CDIN1: variants seen among roughly 807,000 people sequenced by gnomAD.
The protein encoded by CDIN1 is CDAN1-interacting nuclease 1.
Under a neutral mutation model 45.3 loss-of-function variants are expected in CDIN1, and 33 were observed. The ratio of observed to expected loss-of-function variants is 0.73; its 90% confidence interval spans 0.55 to 0.97. CDIN1 has a LOEUF of 0.97. Among genes scored for constraint, CDIN1 ranks in the 50% least tolerant of loss-of-function variants. The probability of loss-of-function intolerance (pLI) is 0.00; values close to 1 mark genes in which losing one functional copy is unlikely to be tolerated. For missense variants in CDIN1, 303 were observed against 339.4 expected (o/e 0.89, Z 0.84); for synonymous variants, 118 against 124.4 (o/e 0.95, Z 0.34).
intron 7 of CDIN1, among the ~76,000 whole-genome samples, chr15:36,695,051 G>A (rs141249226): frequency 8.7e-4 from 133 of 152,308 alleles, no homozygotes; most frequent in African/African-American, 3.1e-3. Context: ...GCACAGCCAT[G>A]TGCCTTGGAA....
At chr15:36,751,992 C>G (rs1356488490) in intron 10 of CDIN1, among the ~76,000 whole-genome samples, 4 of 151,998 alleles carry the variant, frequency 2.6e-5, no homozygotes, top group African/African-American at 9.7e-5. Flanking sequence ...CACACTGGAG[C>G]CTGTTGGGGG....
rs2039034166 is a variant in CDIN1, at chr15:36,619,166, A to G, written c.102-25112A>G. 4.9e-6 allele frequency: 6 copies of G among 1,216,298 alleles called. No homozygotes were observed. In the Admixed American group the frequency reaches 5.8e-5, roughly 12 times the overall value. The allele number at this position is 1,216,298 out of a possible 1,614,324, so 75.3% of individuals were successfully genotyped here. A position where few individuals can be genotyped will look rare whatever the true frequency, so the allele number is the denominator to read the frequency against. On this transcript the variant is annotated intron_variant, in intron 1 of 10. Transcript: ENST00000566621. ...ACCATTCCCAGGGGAGCAGCTGGAAAAATCAGGGAACAGAGATGCCAGTTT... is the reference window on the plus strand; with the variant it reads ...ACCATTCCCAGGGGAGCAGCTGGAAGAATCAGGGAACAGAGATGCCAGTTT...
chr15:36,687,316 C>T (rs965327325), intron 5 of CDIN1, among the ~76,000 whole-genome samples: 2 of 152,010 alleles, frequency 1.3e-5, no homozygotes, highest in Non-Finnish European at 2.9e-5. Flanking sequence ...TTATGAATCA[C>T]TCGTAAGACA....
Position 36,620,070 on chromosome 15 carries a change from G to A in CDIN1, c.102-24208G>A, listed in dbSNP as rs187528385. ...GTTTCTTAAAAACATTGAAAATTTC[G>A]GCCGGGTGCGGTGGCTCTCGCCTGT... is the stretch of plus-strand genomic sequence containing the variant. On this transcript the variant is annotated intron_variant, in intron 1 of 10. Transcript: ENST00000566621. Among the ~76,000 whole-genome samples, 55 of 152,208 alleles carry A rather than the reference G, an allele frequency of 3.6e-4. No homozygotes were observed. In the East Asian group the frequency reaches 9.5e-3, roughly 26 times the overall value.
chr15:36,686,612 G>A (rs2140666779), intron 5 of CDIN1, among the ~76,000 whole-genome samples: 1 of 151,376 alleles, frequency 6.6e-6, no homozygotes. Context: ...AGGCACGGTA[G>A]CTCATGCTTG....
At chr15:36,604,998 G>A (rs1305431825) in intron 1 of CDIN1, among the ~76,000 whole-genome samples, 1 of 152,056 alleles carries the variant, frequency 6.6e-6, no homozygotes, top group East Asian at 1.9e-4. Context: ...AAAAAGAAAG[G>A]AAAGACGGAA....
intron 10 of CDIN1, among the ~76,000 whole-genome samples, chr15:36,781,437 A>T (rs1465920174): frequency 1.3e-5 from 2 of 152,188 alleles, no homozygotes; most frequent in East Asian, 3.8e-4. Context: ...AATTACAGTC[A>T]GGGTCACACT....
chr15:36,777,874 G>A (rs1430650976), intron 10 of CDIN1, among the ~76,000 whole-genome samples: 1 of 152,186 alleles, frequency 6.6e-6, no homozygotes, highest in Admixed American at 6.5e-5. Flanking sequence ...GCCTCCCAAA[G>A]TGCTGGGATT....
At chr15:36,608,976 TATAGATAG>T (rs35140623) in intron 1 of CDIN1, among the ~76,000 whole-genome samples, 9,509 of 149,396 alleles carry the variant, frequency 0.064, 682 homozygotes, top group African/African-American at 0.18. Context: ...TATGTGTGTA[TATAGATAG>T]ATAGATAGAT....
chr15:36,607,130 C>T (rs967521719), intron 1 of CDIN1, among the ~76,000 whole-genome samples: 2 of 152,134 alleles, frequency 1.3e-5, no homozygotes, highest in Non-Finnish European at 2.9e-5. Context: ...AATCTGTGAA[C>T]AGTAGGTGTA....
intron 10 of CDIN1, among the ~76,000 whole-genome samples, chr15:36,806,806 T>G (rs539460013): frequency 2.0e-4 from 31 of 152,170 alleles, no homozygotes; most frequent in Non-Finnish European, 3.4e-4. Context: ...AAACCCTCGG[T>G]TAAATGGAAG....
At chr15:36,765,307 C>T (rs2053890784) in intron 10 of CDIN1, among the ~76,000 whole-genome samples, 4 of 151,990 alleles carry the variant, frequency 2.6e-5, no homozygotes, top group South Asian at 2.1e-4. Flanking sequence ...CCACCCACCT[C>T]GGCCTCCCAA....
chr15:36,708,423 A>T (rs2042943888), intron 8 of CDIN1: 2 of 151,462 alleles, frequency 1.3e-5, no homozygotes, highest in Non-Finnish European at 2.9e-5. Flanking sequence ...TACTGCCATT[A>T]GAAGTCAAGG....
Position 36,687,147 on chromosome 15 carries a change from G to A in CDIN1, c.347-4538G>A, listed in dbSNP as rs2042089115. Among the ~76,000 whole-genome samples the A allele has an allele frequency of 2.6e-5, 4 of 152,204 alleles. No individual in the cohort carries two copies. In the South Asian group the frequency reaches 8.3e-4, roughly 32 times the overall value. ...AATTAACTAGAAGGTAGGGAGAAAA[G>A]AGGAGAAAGAAAGAGAATGATCAGC... On this transcript the variant is annotated intron_variant, in intron 5 of 10. Transcript: ENST00000566621.
At chr15:36,794,184 G>C (rs1220469804) in intron 10 of CDIN1, among the ~76,000 whole-genome samples, 3 of 150,096 alleles carry the variant, frequency 2.0e-5, no homozygotes, top group African/African-American at 2.4e-5. Context: ...TCAGCCTCCC[G>C]AGTAGCTGGG....
chr15:36,791,956 G>C (rs2054655997), intron 10 of CDIN1, among the ~76,000 whole-genome samples: 1 of 152,096 alleles, frequency 6.6e-6, no homozygotes, highest in Non-Finnish European at 1.5e-5. Context: ...TGTTAGTTCA[G>C]GCCCTAAAAA....
chr15:36,674,407 A>G (rs758192175), intron 5 of CDIN1, among the ~76,000 whole-genome samples: 2 of 152,158 alleles, frequency 1.3e-5, no homozygotes, highest in Non-Finnish European at 2.9e-5. Flanking sequence ...TCCTTCATAG[A>G]AAGGAAAAAC....
chr15:36,613,805 C>T, intron 1 of CDIN1: 1 of 1,603,480 alleles, frequency 6.2e-7, no homozygotes, highest in Non-Finnish European at 8.5e-7. Context: ...GGAAATCCAA[C>T]CCAAAGAAGC....
At chr15:36,717,237 A>G (rs1400157965) in intron 10 of CDIN1, among the ~76,000 whole-genome samples, 2 of 152,144 alleles carry the variant, frequency 1.3e-5, no homozygotes, top group Non-Finnish European at 2.9e-5. Context: ...TTTTATATAA[A>G]CCTATAAAAT....
Sources: allele counts gnomAD v4.1 joint callset (sites outside exome capture counted in the v4.1 genomes callset), GRCh38; gene constraint gnomAD v4.1.1; transcripts MANE v1.5; gene names NCBI Gene and HGNC (gene_info 2026-07-23, HGNC 2026-07-21).